Variants in CFAP20DC observed in about 807,000 individuals in gnomAD.
The protein encoded by CFAP20DC is protein CFAP20DC.
A neutral mutation model predicts 101.7 loss-of-function variants in CFAP20DC; 84 were observed. The ratio of observed to expected loss-of-function variants is 0.83; its 90% CI spans 0.69 to 0.99. The LOEUF is 0.99. Among genes scored for constraint, CFAP20DC ranks in the 50% least tolerant of loss-of-function variants. The pLI is 0.00. For synonymous variants in CFAP20DC, 359 were observed against 351.2 expected, an observed-to-expected ratio of 1.02 and a Z score of -0.25; for missense variants, 1,007 against 970.3, an observed-to-expected ratio of 1.04 and a Z score of -0.50.
At chr3:58,873,901 G>A (rs1242308862) in intron 7 of CFAP20DC, among the ~76,000 whole-genome samples, 1 of 151,950 alleles carries the variant, frequency 6.6e-6, no homozygotes, top group Non-Finnish European at 1.5e-5. Flanking sequence ...CAGAAGTCTG[G>A]ATAGCTGTTC....
At chr3:58,770,125 A>T (rs933132761) in intron 15 of CFAP20DC, among the ~76,000 whole-genome samples, 2 of 152,214 alleles carry the variant, frequency 1.3e-5, no homozygotes, top group East Asian at 3.8e-4. Flanking sequence ...ACTATTTTCT[A>T]GACACTGAAC....
At chr3:59,009,716 C>G (rs944040799) in intron 4 of CFAP20DC, among the ~76,000 whole-genome samples, 2 of 152,142 alleles carry the variant, frequency 1.3e-5, no homozygotes, top group African/African-American at 4.8e-5. Context: ...ACAAGAAGCT[C>G]AAAGAACTCT....
intron 5 of CFAP20DC, among the ~76,000 whole-genome samples, chr3:58,933,926 C>T (rs949883603): frequency 1.3e-5 from 2 of 151,674 alleles, no homozygotes; most frequent in African/African-American, 4.8e-5. Context: ...AAAATCAGAG[C>T]AGAACTGAAG....
intron 6 of CFAP20DC, among the ~76,000 whole-genome samples, chr3:58,907,525 T>C (rs1389048989): frequency 6.6e-6 from 1 of 152,216 alleles, no homozygotes; most frequent in Admixed American, 6.5e-5. Context: ...ATTTTTGTAT[T>C]TGATTGGATC....
At chr3:58,993,244 G>A (rs1038537149) in intron 4 of CFAP20DC, among the ~76,000 whole-genome samples, 1 of 151,014 alleles carries the variant, frequency 6.6e-6, no homozygotes, top group Non-Finnish European at 1.5e-5. Context: ...TCTTTTTTTT[G>A]TAAATGCATT....
At chr3:58,731,005 A>G (rs1435405655) in intron 3 of CFAP20DC, among the ~76,000 whole-genome samples, 3 of 152,210 alleles carry the variant, frequency 2.0e-5, no homozygotes, top group African/African-American at 4.8e-5. Context: ...GGCCCTAAGT[A>G]CAGAGCTTAT....
intron 4 of CFAP20DC, among the ~76,000 whole-genome samples, chr3:58,962,697 C>A (rs2091238314): frequency 6.6e-6 from 1 of 152,094 alleles, no homozygotes; most frequent in Admixed American, 6.5e-5. Context: ...AAAGCTCAGG[C>A]CGTGAACGAG....
At chr3:58,931,477 G>T (rs2086672067) in intron 5 of CFAP20DC, among the ~76,000 whole-genome samples, 1 of 152,162 alleles carries the variant, frequency 6.6e-6, no homozygotes, top group Non-Finnish European at 1.5e-5. Flanking sequence ...TCCTCAAGTG[G>T]GTCCCTGACC....
intron 13 of CFAP20DC, among the ~76,000 whole-genome samples, 182 bp from the exon 14 acceptor site, chr3:58,832,071 A>T (rs929045832): frequency 2.0e-5 from 3 of 151,998 alleles, no homozygotes; most frequent in Admixed American, 6.6e-5. Flanking sequence ...TGCTCCTCAC[A>T]TGCCAGCCAC....
At position 58,822,312 on chromosome 3, in the gene CFAP20DC, A is replaced by AAAACAAAC. The variant is rs145291014; in HGVS notation, c.2175+9366_2175+9373dup. Among the ~76,000 whole-genome samples the AAAACAAAC allele has an allele frequency of 7.6e-3, 1,057 of 138,494 alleles. 17 individuals carry two copies. Among genetic ancestry groups the AAAACAAAC allele is most frequent in the African/African-American group, 0.02 (730 of 35,902 alleles). The allele number at this position is 138,494 out of a possible 152,430, so 90.9% of individuals were successfully genotyped here. A position where few individuals can be genotyped will look rare whatever the true frequency, so the allele number is the denominator to read the frequency against. On this transcript the variant is annotated intron_variant, in intron 14 of 16. Transcript: ENST00000482387. ...AAGTATAATAAAAAAAAATCATGAA[A>AAAACAAAC]AAACAAACAAACAAACAAACAAACA...
At chr3:58,908,565 G>A (rs945249566) in intron 6 of CFAP20DC, among the ~76,000 whole-genome samples, 2 of 152,216 alleles carry the variant, frequency 1.3e-5, no homozygotes, top group Non-Finnish European at 2.9e-5. Flanking sequence ...ATGAAATATG[G>A]TACAGCCACT....
In CFAP20DC at chr3:58,824,833, T is replaced by C. The variant is rs182926554; in HGVS notation, c.2175+6853A>G. Among the ~76,000 whole-genome samples, 168 of 143,016 alleles carry C rather than the reference T, an allele frequency of 1.2e-3. 2 individuals are homozygous for C. In the East Asian group the frequency reaches 0.028, roughly 23 times the overall value. The allele number at this position is 143,016 out of a possible 152,430, so 93.8% of individuals were successfully genotyped here. ...GCTTGATATTAGGTATGGGAATTCT[T>C]TTTTTTTTTTTTAAGAGATGGGGTC... On this transcript the variant is annotated intron_variant, in intron 14 of 16. Transcript: ENST00000482387.
chr3:58,917,273 T>C (rs529561623), intron 5 of CFAP20DC, among the ~76,000 whole-genome samples: 31 of 152,198 alleles, frequency 2.0e-4, no homozygotes, highest in South Asian at 4.2e-4. Context: ...TTGAAAGGAA[T>C]GCAAATTCTG....
At chr3:58,938,880 T>C (rs1376851742) in intron 4 of CFAP20DC, among the ~76,000 whole-genome samples, 1 of 152,228 alleles carries the variant, frequency 6.6e-6, no homozygotes, top group African/African-American at 2.4e-5. Flanking sequence ...TTGCACTAAA[T>C]GATATCATAA....
At position 58,732,193 on chromosome 3, in the gene CFAP20DC, G is replaced by A. The variant is rs560607734; in HGVS notation, c.198-14565C>T. On this transcript the variant is annotated intron_variant, in intron 3 of 3. Coordinates refer to the CFAP20DC transcript ENST00000486145. The surrounding 1 kb of genome is among the most constrained non-coding windows in gnomAD (Gnocchi z 5.4). ...AGAATAAAGCATTCAGCAGAGTCAC[G>A]GTCCAAGGCCTACCCTAATGACTCG... Among the ~76,000 whole-genome samples the A allele has an allele frequency of 1.1e-4, 16 of 152,136 alleles. No individual in the cohort carries two copies. The highest frequency in any genetic ancestry group is 5.8e-4 in the East Asian group (3 of 5,180).
downstream of CFAP20DC, among the ~76,000 whole-genome samples, chr3:58,741,579 C>A (rs2067887538): frequency 6.6e-6 from 1 of 151,804 alleles, no homozygotes; most frequent in Admixed American, 6.6e-5. Flanking sequence ...TCACTGCAAG[C>A]TCTGACTCCT....
chr3:58,989,513 A>G (rs2092864240), intron 4 of CFAP20DC, among the ~76,000 whole-genome samples: 1 of 152,148 alleles, frequency 6.6e-6, no homozygotes, highest in Admixed American at 6.5e-5. Context: ...AGATTTCAAG[A>G]TTCATTAATA....
intron 14 of CFAP20DC, among the ~76,000 whole-genome samples, chr3:58,811,163 C>G (rs2074593808): frequency 6.6e-6 from 1 of 152,112 alleles, no homozygotes. Flanking sequence ...CCATCCCCAT[C>G]AAGCTACCAA....
chr3:58,903,230 G>C (rs2083301502), intron 6 of CFAP20DC, among the ~76,000 whole-genome samples: 1 of 152,102 alleles, frequency 6.6e-6, no homozygotes, highest in Non-Finnish European at 1.5e-5. Context: ...TATTGACAAT[G>C]CAAGGTCATG....
Sources: allele counts gnomAD v4.1 joint callset (sites outside exome capture counted in the v4.1 genomes callset), GRCh38; gene constraint gnomAD v4.1.1; non-coding constraint Gnocchi (gnomAD v3.1); transcripts MANE v1.5; gene names NCBI Gene and HGNC (gene_info 2026-07-23, HGNC 2026-07-21).